SPON1: variants seen among roughly 807,000 people sequenced by gnomAD.
The protein encoded by SPON1 is spondin 1, also known as spondin-1.
In SPON1, 52 loss-of-function variants were observed where a neutral mutation model predicts 111.7. The observed-to-expected ratio is 0.47, with a 90% CI of 0.37 to 0.59. The LOEUF (loss-of-function observed/expected upper bound fraction) is 0.59, where lower values mean the gene tolerates loss of function less well. Ranked by LOEUF, SPON1 falls within the 20% of genes least tolerant of loss-of-function variation. The pLI is 0.00. For missense variants in SPON1, 957 were observed against 1,068.5 expected, an observed-to-expected ratio of 0.90 and a Z score of 1.46; for synonymous variants, 410 against 395.8, an observed-to-expected ratio of 1.04 and a Z score of -0.43.
At chr11:14,076,898 G>T (rs1266894169) in intron 4 of SPON1, among the ~76,000 whole-genome samples, 1 of 152,216 alleles carries the variant, frequency 6.6e-6, no homozygotes, top group Admixed American at 6.5e-5. Context: ...CACCACACGT[G>T]TCTTCTGAGG....
chr11:14,164,345 G>A (rs1554931686), intron 6 of SPON1, among the ~76,000 whole-genome samples: 2 of 152,090 alleles, frequency 1.3e-5, no homozygotes. Context: ...TGGATACATG[G>A]CCACCCAGAA....
intron 3 of SPON1, among the ~76,000 whole-genome samples, chr11:14,042,352 A>G (rs1278925636): frequency 6.6e-6 from 1 of 151,936 alleles, no homozygotes; most frequent in Non-Finnish European, 1.5e-5. Context: ...CTTCTTACAG[A>G]TTCATAATAC....
At chr11:14,117,344 A>C (rs952051058) in intron 5 of SPON1, among the ~76,000 whole-genome samples, 1 of 152,178 alleles carries the variant, frequency 6.6e-6, no homozygotes, top group Non-Finnish European at 1.5e-5. Flanking sequence ...TTATCACATT[A>C]AGAAAGTTTC....
At chr11:14,038,501 A>G (rs782156763) in intron 2 of SPON1, among the ~76,000 whole-genome samples, 1 of 152,124 alleles carries the variant, frequency 6.6e-6, no homozygotes, top group Non-Finnish European at 1.5e-5. Context: ...CAAACAACTC[A>G]ACATTAAGAA....
Position 14,135,611 on chromosome 11 carries a change from A to T in SPON1, c.825+43A>T. 6.3e-7 allele frequency: 1 copy of T among 1,594,034 alleles called. No homozygotes were observed. Among genetic ancestry groups the T allele is most frequent in the South Asian group, 1.1e-5 (1 of 89,182 alleles). ...CAGAATGACCAAATAACAGAAATGC[A>T]GTCAAAGCACTCCTTAGATATCTTT... is the stretch of plus-strand genomic sequence containing the variant. On this transcript the variant is annotated intron_variant, in intron 6 of 15. Coordinates refer to ENST00000576479, the MANE Select transcript of SPON1 (RefSeq NM_006108.4). This position sits in a 1 kb window ranked among gnomAD's most constrained non-coding sequence, Gnocchi z 4.4.
At chr11:13,993,954 C>T (rs1554911482) in intron 2 of SPON1, among the ~76,000 whole-genome samples, 1 of 152,150 alleles carries the variant, frequency 6.6e-6, no homozygotes, top group African/African-American at 2.4e-5. Flanking sequence ...AAAAAAGTCT[C>T]AAAACAAAAG....
chr11:13,986,469 C>T (rs1160137595), intron 2 of SPON1, among the ~76,000 whole-genome samples: 1 of 151,908 alleles, frequency 6.6e-6, no homozygotes, highest in Non-Finnish European at 1.5e-5. Context: ...TCAGGTATCC[C>T]GTCACTTTGA....
intron 2 of SPON1, among the ~76,000 whole-genome samples, chr11:13,985,642 G>T (rs1848176502): frequency 6.6e-6 from 1 of 152,098 alleles, no homozygotes; most frequent in African/African-American, 2.4e-5. Context: ...TCTGTGCCAG[G>T]TGCTTTATAT....
intron 6 of SPON1, among the ~76,000 whole-genome samples, chr11:14,137,724 A>T (rs1023067844): frequency 7.9e-5 from 12 of 152,188 alleles, no homozygotes; most frequent in African/African-American, 2.7e-4. Flanking sequence ...TGAATTTCAT[A>T]GCATGGGGTC....
At chr11:14,130,900 C>G (rs1021290199) in intron 5 of SPON1, among the ~76,000 whole-genome samples, 10 of 151,926 alleles carry the variant, frequency 6.6e-5, no homozygotes, top group African/African-American at 2.2e-4. Flanking sequence ...TCACTCATAT[C>G]TCATCAATTT....
chr11:14,253,521 G>A (rs577392693), intron 7 of SPON1, among the ~76,000 whole-genome samples: 177 of 152,348 alleles, frequency 1.2e-3, no homozygotes, highest in African/African-American at 4.0e-3. Context: ...GGCCCCAGTC[G>A]GGTCTGCAGT....
chr11:14,234,068 G>T (rs1848834923), intron 6 of SPON1, among the ~76,000 whole-genome samples: 1 of 152,100 alleles, frequency 6.6e-6, no homozygotes, highest in African/African-American at 2.4e-5. Flanking sequence ...CCCCAGTGCT[G>T]TTTCTTGAAG....
At chr11:14,182,240 C>T (rs894504614) in intron 6 of SPON1, among the ~76,000 whole-genome samples, 1 of 152,106 alleles carries the variant, frequency 6.6e-6, no homozygotes, top group Non-Finnish European at 1.5e-5. Flanking sequence ...CCTCCAAGTC[C>T]ACTCATCTTT....
intron 6 of SPON1, among the ~76,000 whole-genome samples, chr11:14,165,303 A>G (rs1348898724): frequency 6.6e-6 from 1 of 152,030 alleles, no homozygotes; most frequent in Non-Finnish European, 1.5e-5. Flanking sequence ...GGTTTTTATA[A>G]CACCTTGATC....
At chr11:14,000,127 A>T (rs1212108700) in intron 2 of SPON1, among the ~76,000 whole-genome samples, 1 of 152,166 alleles carries the variant, frequency 6.6e-6, no homozygotes, top group Non-Finnish European at 1.5e-5. Flanking sequence ...GCCATGGTTG[A>T]TCACTGTCTT....
At chr11:13,995,029 C>A (rs563615359) in intron 2 of SPON1, among the ~76,000 whole-genome samples, 1 of 152,232 alleles carries the variant, frequency 6.6e-6, no homozygotes, top group Admixed American at 6.5e-5. Context: ...GTACCCAGTT[C>A]TTTTTCTTCA....
At chr11:14,237,406 G>A (rs1314856845) in intron 6 of SPON1, among the ~76,000 whole-genome samples, 1 of 152,184 alleles carries the variant, frequency 6.6e-6, no homozygotes, top group Non-Finnish European at 1.5e-5. Context: ...TGCAAAATGA[G>A]CAACATGGGG....
rs1424340187 is a variant in SPON1 at position 14,267,422 on chromosome 11, A to G, written c.*1735A>G. ...AAAGCACAATATAAAGAAACACAAG[A>G]TTTAATTATTTTTCTACTTGGGGGG... On this transcript the variant is annotated 3_prime_UTR_variant, in exon 16 of 16. Coordinates refer to ENST00000576479, the MANE Select transcript of SPON1 (RefSeq NM_006108.4). The G allele has an allele frequency of 6.8e-6, 1 of 148,074 alleles. No homozygotes were observed. The highest frequency in any genetic ancestry group is 1.5e-5 in the Non-Finnish European group (1 of 66,356). 9.2% of individuals were successfully genotyped at this position (148,074 alleles called of 1,614,324 possible).
intron 5 of SPON1, among the ~76,000 whole-genome samples, chr11:14,095,084 ATC>A (rs1233583165): frequency 6.6e-6 from 1 of 152,214 alleles, no homozygotes; most frequent in African/African-American, 2.4e-5. Context: ...CAATATTATT[ATC>A]TCTCTCTTTT....
Sources: gnomAD v4.1 joint callset for allele counts (sites outside exome capture counted in the v4.1 genomes callset) on GRCh38, gnomAD v4.1.1 for gene constraint, Gnocchi (gnomAD v3.1) non-coding constraint, MANE v1.5 for transcripts, NCBI Gene and HGNC (gene_info 2026-07-23, HGNC 2026-07-21) for gene names.